The following NCKAP5 variants were observed in gnomAD, a reference collection of about 807,000 sequenced individuals.
NCKAP5 encodes the protein NCK associated protein 5, also known as nck-associated protein 5.
NCKAP5 carries 92 observed loss-of-function variants against 167.0 expected under a neutral mutation model. The observed-to-expected ratio is 0.55, with a 90% CI of 0.47 to 0.66. The LOEUF is 0.66. NCKAP5 is among the 30% of genes least tolerant of loss of function. The pLI, the probability that NCKAP5 is intolerant of heterozygous loss-of-function variation, is 0.00. For synonymous variants in NCKAP5, 891 were observed against 877.4 expected, an observed-to-expected ratio of 1.02 and a Z score of -0.27; for missense variants, 2,378 against 2,315.0, an observed-to-expected ratio of 1.03 and a Z score of -0.56.
rs116263138 is a variant in NCKAP5, at chr2:133,235,311, C to T, written c.144-21532G>A. ...CAAACTGAGGTCACGCAAGGGGTGACGCTCCACAGCTCTTGGTGTCCTTTT... is the reference window on the plus strand; with the variant it reads ...CAAACTGAGGTCACGCAAGGGGTGATGCTCCACAGCTCTTGGTGTCCTTTT... On this transcript the variant is annotated intron_variant, in intron 4 of 19. Transcript: ENST00000409261. Among the ~76,000 whole-genome samples the T allele has an allele frequency of 3.5e-3, 536 of 152,138 alleles. 6 individuals are homozygous for T. The highest frequency in any genetic ancestry group is 3.8e-3 in the Non-Finnish European group (260 of 67,992).
intron 10 of NCKAP5, among the ~76,000 whole-genome samples, chr2:132,867,607 C>A (rs942932139): frequency 6.6e-6 from 1 of 152,084 alleles, no homozygotes; most frequent in Non-Finnish European, 1.5e-5. Context: ...AGCTTTTATT[C>A]CCTTCCTGAT....
At chr2:133,062,829 C>T (rs986100815) in intron 6 of NCKAP5, among the ~76,000 whole-genome samples, 2 of 152,030 alleles carry the variant, frequency 1.3e-5, no homozygotes, top group Admixed American at 1.3e-4. Flanking sequence ...ACAATGTTTA[C>T]ATAGAAATCT....
chr2:133,245,800 G>C (rs886574388), intron 4 of NCKAP5, among the ~76,000 whole-genome samples: 4 of 151,326 alleles, frequency 2.6e-5, no homozygotes, highest in African/African-American at 9.7e-5. Context: ...CAATATTTTA[G>C]GAGTGATTGA....
chr2:132,723,847 C>A (rs1019276824), intron 19 of NCKAP5, among the ~76,000 whole-genome samples: 3 of 152,202 alleles, frequency 2.0e-5, no homozygotes, highest in Admixed American at 6.5e-5. Context: ...TTTCTCAATA[C>A]AGCAGCCAGA....
At chr2:133,358,419 CAAT>C (rs1235097685) in intron 3 of NCKAP5, among the ~76,000 whole-genome samples, 1 of 152,060 alleles carries the variant, frequency 6.6e-6, no homozygotes, top group Non-Finnish European at 1.5e-5. Context: ...TCTCTAACAA[CAAT>C]AACAACAAAA....
chr2:132,691,056 T>C (rs1007703418), intron 19 of NCKAP5, among the ~76,000 whole-genome samples: 1 of 152,242 alleles, frequency 6.6e-6, no homozygotes, highest in East Asian at 1.9e-4. Flanking sequence ...GTTTACTGTA[T>C]TGAATTCCCT....
chr2:132,943,487 A>G (rs1334452925), intron 8 of NCKAP5, among the ~76,000 whole-genome samples: 5 of 152,276 alleles, frequency 3.3e-5, no homozygotes, highest in Non-Finnish European at 5.9e-5. Context: ...ACATAGATGC[A>G]AAGAGCTGAG....
chr2:133,150,812 A>C (rs1223995141), intron 5 of NCKAP5, among the ~76,000 whole-genome samples: 3 of 152,180 alleles, frequency 2.0e-5, no homozygotes, highest in Non-Finnish European at 2.9e-5. Context: ...CATTATTCAT[A>C]AGAGCCCCAA....
chr2:133,106,472 T>C (rs1374166530), intron 6 of NCKAP5, among the ~76,000 whole-genome samples: 1 of 151,986 alleles, frequency 6.6e-6, no homozygotes, highest in East Asian at 1.9e-4. Flanking sequence ...TTATTTGGGG[T>C]GTATTTATAA....
At position 132,758,231 on chromosome 2, in the gene NCKAP5, C is replaced by T. The variant is rs556751313; in HGVS notation, c.5128+15585G>A. Among the ~76,000 whole-genome samples, 9 of 152,240 alleles carry T rather than the reference C, an allele frequency of 5.9e-5. 1 individual carries two copies. The South Asian group carries it at 1.2e-3, about 21-fold the overall frequency. ...GCAAATGAACCCTATTTGGTTTGGT[C>T]GCACTGGTGGAATGAGTGTGTGGAT... is the stretch of plus-strand genomic sequence containing the variant. On this transcript the variant is annotated intron_variant, in intron 16 of 19. Transcript: ENST00000409261.
At chr2:133,378,949 C>T (rs943208764) in intron 3 of NCKAP5, among the ~76,000 whole-genome samples, 2 of 152,134 alleles carry the variant, frequency 1.3e-5, no homozygotes, top group Non-Finnish European at 2.9e-5. Context: ...TTTCAATAAA[C>T]GAGCTTTATA....
rs546266519 is a variant in NCKAP5, at chr2:132,694,139, T to A, written c.5714-20834A>T. On this transcript the variant is annotated intron_variant, in intron 19 of 19. Transcript: ENST00000409261. ...TATTTATTTATTTATTTATTTATTTTTTGAATTTCTTTTCTTTATTTGACT... is the reference window on the plus strand; with the variant it reads ...TATTTATTTATTTATTTATTTATTTATTGAATTTCTTTTCTTTATTTGACT... 1.9e-4 allele frequency among the ~76,000 whole-genome samples: 20 copies of A among 108,004 alleles called. No homozygotes were observed. In the East Asian group the frequency reaches 2.7e-3, roughly 15 times the overall value. 70.9% of individuals were successfully genotyped at this position (108,004 alleles called of 152,430 possible). A position where few individuals can be genotyped will look rare whatever the true frequency, so the allele number is the denominator to read the frequency against.
rs1445112134 is a variant in NCKAP5 at position 132,773,874 on chromosome 2, G to A, written c.5070C>T (p.Asn1690=). ...CTGCATCGTCTTCATCCTCTTGCAA[G>A]TTTTCATTTGCCTCTTTTACCTGCA... The part of the protein sequence containing the change: ...KDSLVKEANE[N]LQEDEDDAVA... Residue 1690 remains asparagine, a synonymous_variant, in exon 16 of 20, where the codon AAC becomes AAT. Transcript: ENST00000409261. The A allele has an allele frequency of 6.2e-7, 1 of 1,609,960 alleles. No individual in the cohort carries two copies. Among genetic ancestry groups the A allele is most frequent in the East Asian group, 2.2e-5 (1 of 44,672 alleles).
chr2:132,738,230 G>C (rs1691700606), intron 16 of NCKAP5, among the ~76,000 whole-genome samples: 3 of 152,098 alleles, frequency 2.0e-5, no homozygotes. Flanking sequence ...TTTAATGATG[G>C]ATTTCTTAGT....
chr2:133,230,202 G>A (rs556220331), intron 4 of NCKAP5, among the ~76,000 whole-genome samples: 124 of 152,184 alleles, frequency 8.1e-4, no homozygotes, highest in African/African-American at 2.9e-3. Context: ...ATATACCTTG[G>A]AGCAGAGCAG....
chr2:133,021,571 T>C (rs888297461), intron 6 of NCKAP5, among the ~76,000 whole-genome samples: 1 of 152,256 alleles, frequency 6.6e-6, no homozygotes, highest in Non-Finnish European at 1.5e-5. Context: ...CAGGCACACA[T>C]GCACATGATG....
chr2:133,594,934 A>G, the NCKAP5 span, among the ~76,000 whole-genome samples: 1 of 152,188 alleles, frequency 6.6e-6, no homozygotes, highest in African/African-American at 2.4e-5. Flanking sequence ...GTTTTAAGTT[A>G]AATGAGACAA....
chr2:133,276,440 C>T (rs1432268644), intron 4 of NCKAP5, among the ~76,000 whole-genome samples: 1 of 151,898 alleles, frequency 6.6e-6, no homozygotes, highest in Non-Finnish European at 1.5e-5. Context: ...TAAGAGGCAA[C>T]TTTATAGACG....
chr2:133,434,141 G>C (rs558641716), intron 3 of NCKAP5, among the ~76,000 whole-genome samples: 1 of 152,110 alleles, frequency 6.6e-6, no homozygotes, highest in Non-Finnish European at 1.5e-5. Flanking sequence ...AAATATTCTA[G>C]AATAAGTATT....
Sources: allele counts gnomAD v4.1 joint callset (sites outside exome capture counted in the v4.1 genomes callset), GRCh38; gene constraint gnomAD v4.1.1; transcripts MANE v1.5; gene names NCBI Gene and HGNC (gene_info 2026-07-23, HGNC 2026-07-21).